Variants in VTCN1 observed in about 807,000 individuals in gnomAD.
VTCN1 encodes V-set domain containing T cell activation inhibitor 1.
In VTCN1, 26 loss-of-function variants were observed where a neutral mutation model predicts 26.5. The observed-to-expected ratio is 0.98, with a 90% CI of 0.72 to 1.36. The LOEUF is 1.36. Ranked by LOEUF, VTCN1 falls within the 40% of genes most tolerant of loss-of-function variation. VTCN1 has a pLI of 0.00. For synonymous variants in VTCN1, 116 were observed against 130.7 expected, an observed-to-expected ratio of 0.89 and a Z score of 0.77; for missense variants, 298 against 337.7, an observed-to-expected ratio of 0.88 and a Z score of 0.92.
At position 117,166,692 on chromosome 1, in the gene VTCN1, T is replaced by C. The variant is rs2358819; in HGVS notation, c.97+3415A>G. On this transcript the variant is annotated intron_variant, in intron 2 of 5. Transcript: ENST00000369458. ...AAAGAAAGAAAAAGAAAAAAAGAGT[T>C]AAGCCTTAGTGAGGAAGGTACCAAA... is the stretch of plus-strand genomic sequence containing the variant. 6.7e-4 allele frequency among the ~76,000 whole-genome samples: 101 copies of C among 150,238 alleles called. 1 individual carries two copies. The Middle Eastern group carries it at 0.021, about 32-fold the overall frequency.
At chr1:117,180,410 G>A (rs190934218) in intron 1 of VTCN1, among the ~76,000 whole-genome samples, 33 of 152,230 alleles carry the variant, frequency 2.2e-4, no homozygotes, top group African/African-American at 7.7e-4. Context: ...AGTCCTTTTC[G>A]TAATCATACC....
chr1:117,180,142 T>C (rs1187622741), intron 1 of VTCN1, among the ~76,000 whole-genome samples: 1 of 152,144 alleles, frequency 6.6e-6, no homozygotes, highest in Non-Finnish European at 1.5e-5. Context: ...TGTCTTTCAT[T>C]TGGGACTCTG....
chr1:117,156,732 A>G lies in VTCN1; in HGVS notation c.287T>C (p.Met96Thr). 1 of 1,614,134 alleles carries G rather than the reference A, an allele frequency of 6.2e-7. No homozygotes were observed. The highest frequency in any genetic ancestry group is 8.5e-7 in the Non-Finnish European group (1 of 1,180,010). Reference sequence around the variant, plus strand: ...AAACACTGCTGTCCGGCCTCTGAACATTTCATCCTGCTCCGACAGCTCATC... The same window carrying G: ...AAACACTGCTGTCCGGCCTCTGAACGTTTCATCCTGCTCCGACAGCTCATC... ...GKDELSEQDE[M>T]FRGRTAVFAD... Residue 96 changes from methionine (M) to threonine (T), a missense_variant, in exon 3 of 6, where the codon ATG becomes ACG. By Grantham distance (81) the Met-to-Thr change is moderately conservative (BLOSUM62 -1). Coordinates refer to ENST00000369458, the MANE Select transcript of VTCN1 (RefSeq NM_024626.4).
At chr1:117,168,604 GA>G (rs1247532612) in intron 2 of VTCN1, among the ~76,000 whole-genome samples, 18 of 152,126 alleles carry the variant, frequency 1.2e-4, no homozygotes, top group Admixed American at 6.5e-5. Flanking sequence ...ATCATTAAGA[GA>G]GTAAAAAAGC....
At chr1:117,157,105 A>G in intron 2 of VTCN1, 184 bp from the exon 3 acceptor site, 2 of 700,882 alleles carry the variant, frequency 2.9e-6, no homozygotes, top group Non-Finnish European at 4.3e-6. Flanking sequence ...ATATATATAT[A>G]TATATATATA....
At chr1:117,153,446 C>G (rs977996579) in intron 3 of VTCN1, 77 bp from the exon 4 acceptor site, 25 of 1,440,484 alleles carry the variant, frequency 1.7e-5, no homozygotes, top group Non-Finnish European at 2.2e-5. Context: ...AGCGCTAGGC[C>G]TTAAAAATGC....
intron 1 of VTCN1, among the ~76,000 whole-genome samples, chr1:117,198,903 C>T (rs1648654267): frequency 6.6e-6 from 1 of 152,112 alleles, no homozygotes; most frequent in Non-Finnish European, 1.5e-5. Context: ...GAAAGCACTG[C>T]TGTAGAAGGG....
intron 1 of VTCN1, among the ~76,000 whole-genome samples, chr1:117,171,467 C>T (rs1051328130): frequency 6.6e-6 from 1 of 152,202 alleles, no homozygotes; most frequent in African/African-American, 2.4e-5. Flanking sequence ...TACACTCCTA[C>T]CAACAGCGTA....
intron 2 of VTCN1, among the ~76,000 whole-genome samples, chr1:117,160,010 A>T (rs1482690099): frequency 1.3e-5 from 2 of 152,172 alleles, no homozygotes; most frequent in East Asian, 3.8e-4. Flanking sequence ...TTCATTGTAC[A>T]CTGGGGGCTG....
At position 117,210,863 on chromosome 1, in the gene VTCN1, G is replaced by C; in HGVS notation, c.-8C>G. ...CTGCCCCAGGGAAGCCATGGCTGGG[G>C]AAGGTTCCCAGCGTATCTGGGTACT... is the stretch of plus-strand genomic sequence containing the variant. On this transcript the variant is annotated 5_prime_UTR_variant, in exon 1 of 6. Transcript: ENST00000369458. 1 of 1,614,122 alleles carries C rather than the reference G, an allele frequency of 6.2e-7. No homozygotes were observed. The highest frequency in any genetic ancestry group is 8.5e-7 in the Non-Finnish European group (1 of 1,179,966).
At chr1:117,153,521 T>C in intron 3 of VTCN1, 152 bp from the exon 4 acceptor site, 1 of 812,992 alleles carries the variant, frequency 1.2e-6, no homozygotes. Context: ...GGTCCACCTG[T>C]GTATAGCCCA....
intron 1 of VTCN1, among the ~76,000 whole-genome samples, chr1:117,182,280 C>A (rs1647709562): frequency 6.6e-6 from 1 of 152,126 alleles, no homozygotes; most frequent in South Asian, 2.1e-4. Context: ...ACCACTGTAT[C>A]CTAGAAGTAA....
intron 1 of VTCN1, among the ~76,000 whole-genome samples, chr1:117,177,921 CTTTTTTTT>C (rs79283862): frequency 8.4e-6 from 1 of 119,092 alleles, no homozygotes; most frequent in African/African-American, 3.2e-5. Flanking sequence ...GTTTTCTTTT[CTTTTTTTT>C]TTTTTTTTTG....
Position 117,161,274 on chromosome 1 carries a change from G to A in VTCN1, c.98-4353C>T, listed in dbSNP as rs1211069087. Among the ~76,000 whole-genome samples, 2 of 152,132 alleles carry A rather than the reference G, an allele frequency of 1.3e-5. No homozygotes were observed. The highest frequency in any genetic ancestry group is 6.5e-5 in the Admixed American group (1 of 15,276). ...CATGGGTTACACAATTACACTATGC[G>A]CCTTCACACTGCTGTTCATCTTGTA... On this transcript the variant is annotated intron_variant, in intron 2 of 5. Transcript: ENST00000369458. This position sits in a 1 kb window ranked among gnomAD's most constrained non-coding sequence, Gnocchi z 4.3.
intron 4 of VTCN1, among the ~76,000 whole-genome samples, chr1:117,151,555 C>T (rs777496936): frequency 5.9e-5 from 9 of 152,174 alleles, no homozygotes; most frequent in East Asian, 3.9e-4. Context: ...TTTTACAGAG[C>T]GCTGATTGGT....
rs1370987174 is a variant in VTCN1, at chr1:117,169,548, T to C, written c.97+559A>G. On this transcript the variant is annotated intron_variant, in intron 2 of 5. Coordinates refer to ENST00000369458, the MANE Select transcript of VTCN1 (RefSeq NM_024626.4). This position sits in a 1 kb window ranked among gnomAD's most constrained non-coding sequence, Gnocchi z 4.0. ...AGATAGACTACTGATAAACATCTCA[T>C]TTGATTATCTCAACTAACTGGTGAT... Among the ~76,000 whole-genome samples, 2 of 152,202 alleles carry C rather than the reference T, an allele frequency of 1.3e-5. No individual in the cohort carries two copies. The highest frequency in any genetic ancestry group is 2.9e-5 in the Non-Finnish European group (2 of 68,032).
At chr1:117,178,651 T>C (rs1305509412) in intron 1 of VTCN1, among the ~76,000 whole-genome samples, 1 of 140,540 alleles carries the variant, frequency 7.1e-6, no homozygotes, top group African/African-American at 2.7e-5. Context: ...TGCAGTGCAG[T>C]TGCACAGTCA....
At chr1:117,191,382 G>C (rs1041980514) in intron 1 of VTCN1, among the ~76,000 whole-genome samples, 1 of 152,208 alleles carries the variant, frequency 6.6e-6, no homozygotes, top group East Asian at 1.9e-4. Flanking sequence ...GGCCAGGCGT[G>C]GTGGCCTATG....
Position 117,153,296 on chromosome 1 carries a change from C to A in VTCN1, c.519G>T (p.Trp173Cys). 6.2e-7 allele frequency: 1 copy of A among 1,614,072 alleles called. No homozygotes were observed. Among genetic ancestry groups the A allele is most frequent in the Non-Finnish European group, 8.5e-7 (1 of 1,180,004 alleles). ...SETLRCEAPR[W>C]FPQPTVVWAS... ...CCCAGACCACTGTGGGCTGGGGGAA[C>A]CATCGGGGAGCCTCACACCGCAAGG... The change falls in exon 4 of 6, where the codon TGG becomes TGT. Residue 173 changes from tryptophan to cysteine, a missense_variant. Physicochemically the swap from Trp to Cys is radical, Grantham distance 215. Coordinates refer to ENST00000369458, the MANE Select transcript of VTCN1 (RefSeq NM_024626.4).
Sources: allele counts gnomAD v4.1 joint callset (sites outside exome capture counted in the v4.1 genomes callset), GRCh38; gene constraint gnomAD v4.1.1; non-coding constraint Gnocchi (gnomAD v3.1); transcripts MANE v1.5; gene names NCBI Gene and HGNC (gene_info 2026-07-23, HGNC 2026-07-21).